The following OOEP variants were observed in gnomAD, a reference collection of about 807,000 sequenced individuals.
OOEP encodes oocyte expressed protein.
OOEP carries 16 observed loss-of-function variants against 13.7 expected under a neutral mutation model. That is an observed-to-expected ratio of 1.16 (90% CI 0.79 to 1.77). The LOEUF (loss-of-function observed/expected upper bound fraction) is 1.77. Among genes scored for constraint, OOEP ranks in the 40% most tolerant of loss-of-function variants. OOEP has a pLI of 0.00. For synonymous variants in OOEP, 89 were observed against 77.1 expected (o/e 1.15, Z -0.81); for missense variants, 195 against 193.1 (o/e 1.01, Z -0.06).
At chr6:73,376,700 G>A (rs1339566509) in intron 2 of OOEP, among the ~76,000 whole-genome samples, 3 of 151,992 alleles carry the variant, frequency 2.0e-5, no homozygotes, top group African/African-American at 7.3e-5. Context: ...CACCCAGGCT[G>A]GAGTGCACTG....
chr6:73,368,682 GA>G lies in OOEP; in HGVS notation c.*101del. 12 of 763,442 alleles carry G rather than the reference GA, an allele frequency of 1.6e-5. No homozygotes were observed. Among genetic ancestry groups the G allele is most frequent in the South Asian group, 4.7e-5 (3 of 63,924 alleles). The allele number at this position is 763,442 out of a possible 1,614,324, so 47.3% of individuals were successfully genotyped here. ...TAAACCACAATCCATCAAGACACAG[GA>G]AAAAGGAATACGGGGATTTAAGAAT... On this transcript the variant is annotated 3_prime_UTR_variant, in exon 3 of 3. Coordinates refer to ENST00000370359, the MANE Select transcript of OOEP (RefSeq NM_001080507.3).
chr6:73,387,644 T>A (rs1769292296), intron 2 of OOEP: 1 of 151,868 alleles, frequency 6.6e-6, no homozygotes, highest in Admixed American at 6.6e-5. Flanking sequence ...CAGGCTGGAG[T>A]GTAGTGGCGT....
intron 2 of OOEP, chr6:73,391,117 G>C (rs1169628738): frequency 6.6e-6 from 1 of 152,042 alleles, no homozygotes; most frequent in Non-Finnish European, 1.5e-5. Context: ...TTTTTCTTTG[G>C]CTTCCTTTAT....
chr6:73,394,848 C>A (rs1275158569), exon 1 of OOEP: 5 of 1,586,230 alleles, frequency 3.2e-6, no homozygotes, highest in Non-Finnish European at 4.3e-6. Flanking sequence ...TACGACGTCA[C>A]GGTCAGGTGG....
intron 2 of OOEP, among the ~76,000 whole-genome samples, chr6:73,376,967 C>G (rs2150780474): frequency 6.6e-6 from 1 of 152,228 alleles, no homozygotes; most frequent in East Asian, 1.9e-4. Flanking sequence ...TTTTATTTCT[C>G]TCTTCCTCTC....
chr6:73,368,696 G>A lies in OOEP; in HGVS notation c.*88C>T, dbSNP rs1768994846. 1.2e-6 allele frequency: 1 copy of A among 840,628 alleles called. No homozygotes were observed. Among genetic ancestry groups the A allele is most frequent in the South Asian group, 1.4e-5 (1 of 69,466 alleles). 52.1% of individuals were successfully genotyped at this position (840,628 alleles called of 1,614,324 possible). A position where few individuals can be genotyped will look rare whatever the true frequency, so the allele number is the denominator to read the frequency against. On this transcript the variant is annotated 3_prime_UTR_variant, in exon 3 of 3. Coordinates refer to ENST00000370359, the MANE Select transcript of OOEP (RefSeq NM_001080507.3). ...TCAAGACACAGGAAAAAGGAATACG[G>A]GGATTTAAGAATGCTATACTTGCTT... is the stretch of plus-strand genomic sequence containing the variant.
exon 1 of OOEP, chr6:73,394,753 G>C: frequency 4.5e-6 from 5 of 1,103,850 alleles, no homozygotes; most frequent in Non-Finnish European, 6.3e-6. Flanking sequence ...TGCGAAGTGG[G>C]CGGGATAGAG....
intron 2 of OOEP, among the ~76,000 whole-genome samples, chr6:73,390,265 T>C (rs376296873): frequency 2.6e-5 from 4 of 152,300 alleles, no homozygotes; most frequent in African/African-American, 9.6e-5. Context: ...AATGAAAAGC[T>C]TGACAGACAC....
chr6:73,379,730 T>C (rs1346045830), intron 2 of OOEP, among the ~76,000 whole-genome samples: 2 of 151,690 alleles, frequency 1.3e-5, no homozygotes, highest in East Asian at 3.9e-4. Flanking sequence ...TGGTTTCTCA[T>C]ATCTTTTTTT....
At chr6:73,388,485 A>G (rs544427014) in intron 2 of OOEP, among the ~76,000 whole-genome samples, 2 of 152,338 alleles carry the variant, frequency 1.3e-5, no homozygotes, top group African/African-American at 4.8e-5. Flanking sequence ...ATCATCTTAA[A>G]GCCAAAGTTA....
chr6:73,379,153 TA>T (rs1482841664), intron 2 of OOEP, among the ~76,000 whole-genome samples: 1 of 151,462 alleles, frequency 6.6e-6, no homozygotes, highest in East Asian at 2.0e-4. Flanking sequence ...GCCTCCTGAG[TA>T]GCTGGGATTA....
At chr6:73,382,870 T>C (rs1014226786) in intron 2 of OOEP, among the ~76,000 whole-genome samples, 46 of 149,226 alleles carry the variant, frequency 3.1e-4, no homozygotes, top group African/African-American at 1.0e-3. Context: ...TTTTTTTTTT[T>C]TTGAGACAGA....
At chr6:73,387,109 T>C (rs1028916135) in intron 2 of OOEP, among the ~76,000 whole-genome samples, 6 of 151,324 alleles carry the variant, frequency 4.0e-5, no homozygotes, top group African/African-American at 1.5e-4. Context: ...TATATATGTA[T>C]ATATATACAT....
chr6:73,395,010 G>T, exon 1 of OOEP: 2 of 1,614,262 alleles, frequency 1.2e-6, no homozygotes, highest in South Asian at 2.2e-5. Flanking sequence ...CGGAGGAGTT[G>T]AATCGAACAG....
intron 2 of OOEP, 37 bp downstream of exon 2, chr6:73,369,169 T>C (rs765335373): frequency 6.3e-7 from 1 of 1,582,864 alleles, no homozygotes; most frequent in African/African-American, 1.4e-5. Flanking sequence ...TGGTCACTCG[T>C]GGCTTCCTCC....
chr6:73,378,415 A>G (rs1225340988), intron 2 of OOEP, among the ~76,000 whole-genome samples: 1 of 152,034 alleles, frequency 6.6e-6, no homozygotes, highest in Non-Finnish European at 1.5e-5. Flanking sequence ...ACAAACTCTA[A>G]GATCATCTGA....
chr6:73,379,071 C>A (rs1769168472), intron 2 of OOEP, among the ~76,000 whole-genome samples: 1 of 151,740 alleles, frequency 6.6e-6, no homozygotes, highest in Admixed American at 6.6e-5. Flanking sequence ...GTCACCCAGG[C>A]TGGAGTGCAG....
chr6:73,394,410 A>G, exon 2 of OOEP: 1 of 713,498 alleles, frequency 1.4e-6, no homozygotes, highest in Non-Finnish European at 2.6e-6. Flanking sequence ...GCACTTTGGG[A>G]GGCCGAGGCT....
At chr6:73,376,467 A>G (rs1769140829) in intron 2 of OOEP, among the ~76,000 whole-genome samples, 1 of 56,656 alleles carries the variant, frequency 1.8e-5, no homozygotes, top group Non-Finnish European at 3.4e-5. Flanking sequence ...GCCCAACGAA[A>G]CATGATTTTA....
Sources: allele counts gnomAD v4.1 joint callset (sites outside exome capture counted in the v4.1 genomes callset), GRCh38; gene constraint gnomAD v4.1.1; transcripts MANE v1.5; gene names NCBI Gene and HGNC (gene_info 2026-07-23, HGNC 2026-07-21).